The following DEPTOR variants were observed in gnomAD, a reference collection of about 807,000 sequenced individuals.
DEPTOR encodes the protein DEP domain containing MTOR interacting protein, also known as DEP domain-containing mTOR-interacting protein.
In DEPTOR, 41 loss-of-function variants were observed where a neutral mutation model predicts 41.6. That is an observed-to-expected ratio of 0.98 (90% confidence interval 0.77 to 1.28). DEPTOR has a LOEUF of 1.28. Ranked by LOEUF, DEPTOR falls within the 50% of genes most tolerant of loss-of-function variation. DEPTOR has a pLI of 0.00. For synonymous variants in DEPTOR, 195 were observed against 192.3 expected, an observed-to-expected ratio of 1.01 and a Z score of -0.12; for missense variants, 514 against 527.9, an observed-to-expected ratio of 0.97 and a Z score of 0.26.
intron 4 of DEPTOR, among the ~76,000 whole-genome samples, chr8:119,999,153 C>T (rs976299275): frequency 1.3e-5 from 2 of 151,696 alleles, no homozygotes; most frequent in Non-Finnish European, 1.5e-5. Context: ...CCTGTAATCC[C>T]AGCTACTTCG....
chr8:119,990,357 T>A (rs905072785), intron 4 of DEPTOR, among the ~76,000 whole-genome samples: 7 of 152,064 alleles, frequency 4.6e-5, no homozygotes, highest in Non-Finnish European at 2.9e-5. Flanking sequence ...CGGGGTTTCA[T>A]CGTGTTAGTC....
chr8:119,988,323 G>A (rs1054107338), intron 4 of DEPTOR, among the ~76,000 whole-genome samples: 1 of 152,098 alleles, frequency 6.6e-6, no homozygotes, highest in African/African-American at 2.4e-5. Context: ...GCTTCTGCTC[G>A]CCCTCCATGG....
intron 4 of DEPTOR, among the ~76,000 whole-genome samples, chr8:119,978,511 G>A (rs1049370512): frequency 9.9e-5 from 15 of 152,240 alleles, no homozygotes; most frequent in East Asian, 7.7e-4. Context: ...AATGGGAGGC[G>A]GGGGCTGAGG....
chr8:119,907,785 C>CA (rs34284385), intron 1 of DEPTOR, among the ~76,000 whole-genome samples: 34 of 151,030 alleles, frequency 2.3e-4, no homozygotes, highest in Non-Finnish European at 4.0e-4. Context: ...TCTCAAAAAA[C>CA]AAAAAAAAAG....
rs112650879 is a variant in DEPTOR at position 119,998,946 on chromosome 8, G to GAA, written c.605-2565_605-2564dup. Among the ~76,000 whole-genome samples, 825 of 137,646 alleles carry GAA rather than the reference G, an allele frequency of 6.0e-3. 5 individuals carry two copies. The highest frequency in any genetic ancestry group is 8.0e-3 in the Non-Finnish European group (516 of 64,384). 90.3% of individuals were successfully genotyped at this position (137,646 alleles called of 152,430 possible). A position where few individuals can be genotyped will look rare whatever the true frequency, so the allele number is the denominator to read the frequency against. On this transcript the variant is annotated intron_variant, in intron 4 of 8. Transcript: ENST00000286234. Reference sequence around the variant, plus strand: ...ACTTCAGTTCCCTCATCAAAAATAGGAAAAAAAAAAAAAAAGAAGAAGAAG... The same window carrying GAA: ...ACTTCAGTTCCCTCATCAAAAATAGGAAAAAAAAAAAAAAAAAGAAGAAGAAG...
At chr8:119,952,672 G>A (rs901605056) in intron 3 of DEPTOR, among the ~76,000 whole-genome samples, 2 of 152,196 alleles carry the variant, frequency 1.3e-5, no homozygotes, top group Admixed American at 6.5e-5. Context: ...GAGAACATGT[G>A]GGTTTGGTTT....
Position 120,049,719 on chromosome 8 carries a change from C to T in DEPTOR, c.*15C>T, listed in dbSNP as rs114152495. 2 of 1,613,130 alleles carry T rather than the reference C, an allele frequency of 1.2e-6. No individual in the cohort carries two copies. The highest frequency in any genetic ancestry group is 8.5e-7 in the Non-Finnish European group (1 of 1,179,616). ...TAGAGTGCTGAGCTCCTGGGCCTCC[C>T]AGCCCTCCAGTGGCCTGTGGGTGAG... On this transcript the variant is annotated 3_prime_UTR_variant, in exon 9 of 9. Coordinates refer to ENST00000286234, the MANE Select transcript of DEPTOR (RefSeq NM_022783.4).
intron 8 of DEPTOR, among the ~76,000 whole-genome samples, chr8:120,045,284 T>C (rs183722599): frequency 3.2e-4 from 49 of 152,308 alleles, no homozygotes; most frequent in Admixed American, 2.2e-3. Flanking sequence ...AGTCACAAAC[T>C]TTGGCATTTG....
chr8:119,975,870 CTTTTTTTTTTTTTTTTT>C (rs34482727), intron 4 of DEPTOR, among the ~76,000 whole-genome samples: 3 of 65,268 alleles, frequency 4.6e-5, no homozygotes, highest in African/African-American at 6.5e-5. Flanking sequence ...ATGCTTGCTC[CTTTTTTTTTTTTTTTTT>C]TTTTTTTTTT....
At chr8:119,995,383 C>T (rs1370235586) in intron 4 of DEPTOR, among the ~76,000 whole-genome samples, 5 of 151,900 alleles carry the variant, frequency 3.3e-5, no homozygotes, top group African/African-American at 1.2e-4. Context: ...GTCAGGAGTT[C>T]GAGACCAGCC....
At chr8:119,907,715 G>A (rs1827681585) in intron 1 of DEPTOR, among the ~76,000 whole-genome samples, 1 of 152,124 alleles carries the variant, frequency 6.6e-6, no homozygotes, top group Non-Finnish European at 1.5e-5. Flanking sequence ...ATCCCTTGAA[G>A]GTTGCAGTGA....
intron 1 of DEPTOR, among the ~76,000 whole-genome samples, chr8:119,921,625 A>T (rs1339496415): frequency 6.6e-6 from 1 of 152,184 alleles, no homozygotes; most frequent in Non-Finnish European, 1.5e-5. Context: ...GACAGTAGGA[A>T]TAGTGTGTAG....
chr8:119,999,504 G>A (rs1586651859), intron 4 of DEPTOR, among the ~76,000 whole-genome samples: 2 of 151,910 alleles, frequency 1.3e-5, no homozygotes, highest in African/African-American at 4.8e-5. Context: ...TGTGCCTGCA[G>A]TCCTAGCTAC....
chr8:119,874,187 C>T, intron 1 of DEPTOR: 1 of 678,100 alleles, frequency 1.5e-6, no homozygotes, highest in Non-Finnish European at 2.3e-6. Context: ...TGGCAGAAGC[C>T]GACGAGCGGG....
intron 1 of DEPTOR, among the ~76,000 whole-genome samples, chr8:119,922,326 AT>A (rs1475315547): frequency 6.6e-6 from 1 of 152,116 alleles, no homozygotes; most frequent in Admixed American, 6.6e-5. Context: ...GGCTCATAAT[AT>A]AGTCCTTCTC....
At chr8:119,878,279 T>G (rs1045110976) in intron 1 of DEPTOR, among the ~76,000 whole-genome samples, 13 of 151,198 alleles carry the variant, frequency 8.6e-5, no homozygotes, top group Admixed American at 3.3e-4. Flanking sequence ...CCTCCCAAAG[T>G]GCTGAGATTA....
Position 119,881,551 on chromosome 8 carries a change from A to G in DEPTOR, c.122+7583A>G, listed in dbSNP as rs1254047080. 3.3e-5 allele frequency among the ~76,000 whole-genome samples: 5 copies of G among 152,030 alleles called. 1 individual carries two copies. The highest frequency in any genetic ancestry group is 3.3e-4 in the Admixed American group (5 of 15,238). On this transcript the variant is annotated intron_variant, in intron 1 of 8. Transcript: ENST00000286234. ...AAAAAATAATAAAAAAAAAAAAGGTAAAATGGGCCTTTGAACCAAAGATCA... is the reference window on the plus strand; with the variant it reads ...AAAAAATAATAAAAAAAAAAAAGGTGAAATGGGCCTTTGAACCAAAGATCA...
intron 2 of DEPTOR, 122 bp downstream of exon 2, chr8:119,928,700 G>A (rs1827999972): frequency 4.2e-6 from 4 of 946,586 alleles, no homozygotes; most frequent in Non-Finnish European, 5.7e-6. Flanking sequence ...ACCTCTCCCT[G>A]ATTGCATTTT....
chr8:119,886,795 A>G (rs1357393800), intron 1 of DEPTOR, among the ~76,000 whole-genome samples: 1 of 151,924 alleles, frequency 6.6e-6, no homozygotes, highest in Non-Finnish European at 1.5e-5. Context: ...CCTTAAATTT[A>G]TAATAGACAA....
Sources: allele counts gnomAD v4.1 joint callset (sites outside exome capture counted in the v4.1 genomes callset), GRCh38; gene constraint gnomAD v4.1.1; transcripts MANE v1.5; gene names NCBI Gene and HGNC (gene_info 2026-07-23, HGNC 2026-07-21).